Variants in MYLK observed in about 807,000 individuals in gnomAD.
MYLK encodes the protein myosin light chain kinase.
A neutral mutation model predicts 203.4 loss-of-function variants in MYLK; 106 were observed. That is an observed-to-expected ratio of 0.52 (90% CI 0.45 to 0.61). The LOEUF (loss-of-function observed/expected upper bound fraction) is 0.61, where lower values mean the gene tolerates loss of function less well. Among genes scored for constraint, MYLK ranks in the 20% least tolerant of loss-of-function variants. The probability of loss-of-function intolerance (pLI) is 0.00; values close to 1 mark genes in which losing one functional copy is unlikely to be tolerated. For synonymous variants in MYLK, 867 were observed against 959.5 expected (o/e 0.90, Z 1.78); for missense variants, 2,072 against 2,442.3 (o/e 0.85, Z 3.20).
intron 4 of MYLK, among the ~76,000 whole-genome samples, chr3:123,780,573 TA>T (rs1374966324): frequency 6.6e-6 from 1 of 152,214 alleles, no homozygotes; most frequent in Non-Finnish European, 1.5e-5. Context: ...CAGACTGAAT[TA>T]AAGACAAAGA....
intron 19 of MYLK, among the ~76,000 whole-genome samples, chr3:123,689,057 T>C (rs2060566786): frequency 6.6e-6 from 1 of 152,116 alleles, no homozygotes; most frequent in African/African-American, 2.4e-5. Flanking sequence ...CACTCAGATA[T>C]TAGTTGAATG....
intron 17 of MYLK, 129 bp downstream of exon 17, chr3:123,701,309 C>T: frequency 2.0e-6 from 2 of 980,574 alleles, no homozygotes; most frequent in Non-Finnish European, 3.2e-6. Flanking sequence ...CCAGGCTCTC[C>T]CTTCTGGCTT....
Position 123,656,077 on chromosome 3 carries a change from T to C in MYLK, c.4288+1049A>G, listed in dbSNP as rs2059380654. On this transcript the variant is annotated intron_variant, in intron 24 of 33. Transcript: ENST00000360304. ...GTTCGTGCCCTTTCCATCCCTCCCC[T>C]GGACTGTCATCCCAGAGGCCCATCT... 2.0e-5 allele frequency among the ~76,000 whole-genome samples: 3 copies of C among 152,178 alleles called. No homozygotes were observed. In the South Asian group the frequency reaches 6.2e-4, roughly 32 times the overall value.
chr3:123,878,498 T>C (rs945680784), intron 1 of MYLK, among the ~76,000 whole-genome samples: 6 of 152,138 alleles, frequency 3.9e-5, no homozygotes, highest in African/African-American at 7.2e-5. Context: ...GGACATTCAC[T>C]CCTGCTCCCC....
In MYLK at chr3:123,707,940, C is replaced by A; in HGVS notation, c.2204G>T (p.Gly735Val). The change falls in exon 16 of 34, where the codon GGC becomes GTC. Residue 735 changes from glycine to valine, a missense_variant. This residue lies in a region of MYLK where 865 missense variants were observed against 1,016.0 expected (regional missense o/e 0.85). Transcript: ENST00000360304. ...SKPRSVTASL[G>V]QSVLISCAIA... ...GGCGCAGGAGATGAGGACACTCTGG[C>A]CCAGGGAGGCTGTCACTGAGCGAGG... The A allele has an allele frequency of 6.2e-7, 1 of 1,614,116 alleles. No homozygotes were observed. The highest frequency in any genetic ancestry group is 8.5e-7 in the Non-Finnish European group (1 of 1,180,024).
chr3:123,664,317 G>GGGGGC, intron 22 of MYLK, 59 bp from the exon 23 acceptor site: 1 of 1,608,258 alleles, frequency 6.2e-7, no homozygotes, highest in Non-Finnish European at 8.5e-7. Context: ...AGGAAAGGAA[G>GGGGGC]GGGGCTCCTC....
chr3:123,857,589 T>C (rs537705950), intron 2 of MYLK, among the ~76,000 whole-genome samples: 22 of 146,206 alleles, frequency 1.5e-4, no homozygotes, highest in East Asian at 1.0e-3. Context: ...TAGGTGGGAA[T>C]TGAACAATGA....
At chr3:123,786,696 T>TTCA in intron 4 of MYLK, among the ~76,000 whole-genome samples, 1 of 152,194 alleles carries the variant, frequency 6.6e-6, no homozygotes, top group East Asian at 1.9e-4. Flanking sequence ...AGGGGATGGA[T>TTCA]ACCCCATTCT....
chr3:123,628,902 G>T (rs774063532), intron 30 of MYLK, among the ~76,000 whole-genome samples: 72 of 152,232 alleles, frequency 4.7e-4, no homozygotes, highest in Non-Finnish European at 7.9e-4. Flanking sequence ...GCTAAGCCCA[G>T]TGGTCTGGGA....
chr3:123,693,486 AG>A (rs2060773123), intron 18 of MYLK: 1 of 156,628 alleles, frequency 6.4e-6, no homozygotes. Flanking sequence ...ACGGCCAATG[AG>A]GGGGACTGGA....
At chr3:123,699,338 C>G (rs2061075150) in intron 18 of MYLK, among the ~76,000 whole-genome samples, 1 of 152,200 alleles carries the variant, frequency 6.6e-6, no homozygotes, top group African/African-American at 2.4e-5. Context: ...GGCCCCCCTC[C>G]TCTCCCCACC....
intron 19 of MYLK, among the ~76,000 whole-genome samples, chr3:123,683,309 A>T (rs1246332684): frequency 6.7e-6 from 1 of 149,474 alleles, no homozygotes; most frequent in Non-Finnish European, 1.5e-5. Context: ...GGGTGGGGGG[A>T]CTTTCCAGCA....
intron 3 of MYLK, among the ~76,000 whole-genome samples, chr3:123,799,633 A>G (rs1166267764): frequency 6.6e-6 from 1 of 152,058 alleles, no homozygotes; most frequent in Non-Finnish European, 1.5e-5. Context: ...GAGGCAGCAA[A>G]ACCACCCACG....
chr3:123,793,875 G>C, intron 3 of MYLK, 31 bp from the exon 4 acceptor site: 1 of 1,613,504 alleles, frequency 6.2e-7, no homozygotes, highest in Non-Finnish European at 8.5e-7. Context: ...GACAAGGTCA[G>C]ATCAGACAAA....
At chr3:123,882,537 G>A (rs2033608517) in intron 1 of MYLK, among the ~76,000 whole-genome samples, 1 of 152,196 alleles carries the variant, frequency 6.6e-6, no homozygotes, top group Non-Finnish European at 1.5e-5. Flanking sequence ...CAGCATAAAT[G>A]CTTCCCCACT....
chr3:123,839,451 A>G (rs1328733346), intron 2 of MYLK, among the ~76,000 whole-genome samples: 1 of 152,194 alleles, frequency 6.6e-6, no homozygotes, highest in Non-Finnish European at 1.5e-5. Flanking sequence ...AAGGAATATT[A>G]CCAGGGATAA....
chr3:123,753,723 G>A (rs2063278317), intron 4 of MYLK, among the ~76,000 whole-genome samples: 1 of 152,224 alleles, frequency 6.6e-6, no homozygotes, highest in Middle Eastern at 3.4e-3. Context: ...GGAGGATTAG[G>A]GTTCAGAATG....
chr3:123,754,105 G>A (rs1024989189), intron 4 of MYLK, among the ~76,000 whole-genome samples: 1 of 152,200 alleles, frequency 6.6e-6, no homozygotes, highest in African/African-American at 2.4e-5. Flanking sequence ...AAAAAGCGCC[G>A]GTCGTTGTCT....
intron 4 of MYLK, among the ~76,000 whole-genome samples, chr3:123,761,083 G>A (rs930191394): frequency 6.6e-6 from 1 of 152,182 alleles, no homozygotes; most frequent in East Asian, 1.9e-4. Context: ...ATTGGACCTG[G>A]AGAGAGGGAG....
Sources: allele counts gnomAD v4.1 joint callset (sites outside exome capture counted in the v4.1 genomes callset), GRCh38; gene constraint gnomAD v4.1.1; regional missense constraint gnomAD v4.1.1; transcripts MANE v1.5; gene names NCBI Gene and HGNC (gene_info 2026-07-23, HGNC 2026-07-21).